The following ACOXL variants were observed in gnomAD, a reference collection of about 807,000 sequenced individuals.
ACOXL encodes acyl-CoA oxidase like.
A neutral mutation model predicts 71.9 loss-of-function variants in ACOXL; 70 were observed. That is an observed-to-expected ratio of 0.97 (90% CI 0.80 to 1.19). The LOEUF (loss-of-function observed/expected upper bound fraction) is 1.19, where lower values mean the gene tolerates loss of function less well. ACOXL is among the 50% of genes most tolerant of loss of function. The pLI is 0.00. For missense variants in ACOXL, 703 were observed against 736.3 expected (o/e 0.95, Z 0.52); for synonymous variants, 253 against 281.6 (o/e 0.90, Z 1.02).
intron 3 of ACOXL, among the ~76,000 whole-genome samples, chr2:110,788,223 G>C (rs1209516514): frequency 1.3e-5 from 2 of 152,148 alleles, no homozygotes; most frequent in Non-Finnish European, 2.9e-5. Flanking sequence ...ATAGCTAAAA[G>C]CTGGAAACAA....
At chr2:110,828,182 C>T (rs1432690432) in intron 9 of ACOXL, among the ~76,000 whole-genome samples, 4 of 152,106 alleles carry the variant, frequency 2.6e-5, no homozygotes, top group Admixed American at 1.3e-4. Context: ...ATGTTGCCCA[C>T]GCTGGTCTCA....
At chr2:111,006,761 G>A (rs1329858080) in intron 14 of ACOXL, among the ~76,000 whole-genome samples, 1 of 152,036 alleles carries the variant, frequency 6.6e-6, no homozygotes, top group African/African-American at 2.4e-5. Context: ...ATTTCGCCAT[G>A]TTGATCAGGC....
chr2:110,899,218 G>A lies in ACOXL; in HGVS notation c.789-9571G>A, dbSNP rs76652405. 1.1e-3 allele frequency among the ~76,000 whole-genome samples: 164 copies of A among 152,284 alleles called. 1 individual carries two copies. The East Asian group carries it at 0.019, about 18-fold the overall frequency. The stretch of plus-strand genomic sequence containing the variant: ...GGAGGCTTCAGCTCTTAAGCTGCTC[G>A]GGCAATTTCCATTGCCAAGAGCAGT... On this transcript the variant is annotated intron_variant, in intron 10 of 17. Coordinates refer to ENST00000439055, the MANE Select transcript of ACOXL (RefSeq NM_001142807.4).
At chr2:111,064,517 A>G (rs1033717982) in intron 16 of ACOXL, among the ~76,000 whole-genome samples, 33 of 152,052 alleles carry the variant, frequency 2.2e-4, no homozygotes, top group Non-Finnish European at 1.3e-4. Flanking sequence ...TGTCATCCCT[A>G]AATTACTTAC....
chr2:110,876,656 T>C (rs1489654655), intron 10 of ACOXL, among the ~76,000 whole-genome samples: 3 of 152,152 alleles, frequency 2.0e-5, no homozygotes, highest in Non-Finnish European at 4.4e-5. Flanking sequence ...TAATGGCGGC[T>C]CGGGGTCAGG....
intron 8 of ACOXL, 93 bp downstream of exon 8, chr2:110,801,817 T>C: frequency 9.6e-7 from 1 of 1,036,968 alleles, no homozygotes; most frequent in Non-Finnish European, 1.5e-6. Context: ...GGGCTGCATG[T>C]CTGGGCATTC....
intron 10 of ACOXL, among the ~76,000 whole-genome samples, chr2:110,861,986 G>A (rs1265463347): frequency 6.6e-6 from 1 of 152,184 alleles, no homozygotes; most frequent in African/African-American, 2.4e-5. Flanking sequence ...ACCTCCACGG[G>A]CTTTGTGAAA....
At chr2:110,963,708 C>CT in intron 12 of ACOXL, 1 of 1,613,552 alleles carries the variant, frequency 6.2e-7, no homozygotes, top group South Asian at 1.1e-5. Flanking sequence ...TGTTGTTATG[C>CT]TTCAGGTAAG....
At chr2:110,755,349 A>T (rs1679527377) in intron 1 of ACOXL, among the ~76,000 whole-genome samples, 1 of 152,222 alleles carries the variant, frequency 6.6e-6, no homozygotes, top group African/African-American at 2.4e-5. Flanking sequence ...ATAAAAGAGA[A>T]ATTATAGCTG....
At chr2:111,081,279 C>T (rs1009993002) in intron 16 of ACOXL, among the ~76,000 whole-genome samples, 1 of 152,230 alleles carries the variant, frequency 6.6e-6, no homozygotes, top group African/African-American at 2.4e-5. Context: ...ACCCCATCGT[C>T]TCAGCCCAGA....
chr2:110,989,324 T>C (rs971026718), intron 13 of ACOXL, among the ~76,000 whole-genome samples: 1 of 152,222 alleles, frequency 6.6e-6, no homozygotes, highest in African/African-American at 2.4e-5. Flanking sequence ...CTTGGGGCTA[T>C]TTTGTTCCTA....
chr2:110,826,248 C>T (rs544412397), intron 9 of ACOXL, among the ~76,000 whole-genome samples: 10 of 152,320 alleles, frequency 6.6e-5, no homozygotes, highest in South Asian at 2.1e-4. Context: ...CACACACCTT[C>T]GGCATCTCCC....
At chr2:110,750,389 C>T (rs1339970710) in intron 1 of ACOXL, among the ~76,000 whole-genome samples, 4 of 151,962 alleles carry the variant, frequency 2.6e-5, no homozygotes, top group East Asian at 1.9e-4. Context: ...TTGGGAGTTT[C>T]GGGCTCATCT....
chr2:110,742,610 AG>A (rs1022507750), intron 1 of ACOXL, among the ~76,000 whole-genome samples: 6 of 152,174 alleles, frequency 3.9e-5, no homozygotes, highest in African/African-American at 1.4e-4. Context: ...GGCCGTGAAA[AG>A]TGAAGGACAG....
At chr2:111,053,724 A>G (rs116320692) in intron 16 of ACOXL, among the ~76,000 whole-genome samples, 1,900 of 152,266 alleles carry the variant, frequency 0.012, 35 homozygotes, top group African/African-American at 0.043. Context: ...GTTCTTGCAC[A>G]CCTGGGAGTT....
intron 12 of ACOXL, among the ~76,000 whole-genome samples, chr2:110,952,748 A>G (rs1346817580): frequency 6.6e-6 from 1 of 152,126 alleles, no homozygotes; most frequent in Non-Finnish European, 1.5e-5. Context: ...ATGCCTGGCC[A>G]TTACTTATTT....
At chr2:111,057,543 G>A (rs2149865280) in intron 16 of ACOXL, among the ~76,000 whole-genome samples, 1 of 152,300 alleles carries the variant, frequency 6.6e-6, no homozygotes, top group East Asian at 1.9e-4. Context: ...TGAAAGCATG[G>A]TGTCCAGGCC....
chr2:110,745,527 A>G (rs1678090688), intron 1 of ACOXL, among the ~76,000 whole-genome samples: 1 of 146,424 alleles, frequency 6.8e-6, no homozygotes, highest in Admixed American at 6.6e-5. Context: ...GCTTTCCCTT[A>G]GTCTCTGGAC....
intron 12 of ACOXL, 58 bp from the exon 13 acceptor site, chr2:110,987,050 A>G: frequency 7.1e-7 from 1 of 1,403,872 alleles, no homozygotes; most frequent in East Asian, 2.5e-5. Flanking sequence ...TTGCAGTATT[A>G]AAGATACTGT....
Sources: gnomAD v4.1 joint callset for allele counts (sites outside exome capture counted in the v4.1 genomes callset) on GRCh38, gnomAD v4.1.1 for gene constraint, MANE v1.5 for transcripts, NCBI Gene and HGNC (gene_info 2026-07-23, HGNC 2026-07-21) for gene names.